Variants in C11orf21 observed in about 807,000 individuals in gnomAD.
C11orf21 encodes the protein chromosome 11 open reading frame 21, also known as uncharacterized protein C11orf21.
Under a neutral mutation model 15.2 loss-of-function variants are expected in C11orf21, and 19 were observed. That is an observed-to-expected ratio of 1.25 (90% CI 0.87 to 1.84). The LOEUF is 1.84. Among genes scored for constraint, C11orf21 ranks in the 40% most tolerant of loss-of-function variants. C11orf21 has a pLI of 0.00. For synonymous variants in C11orf21, 62 were observed against 66.8 expected, an observed-to-expected ratio of 0.93 and a Z score of 0.35; for missense variants, 171 against 174.4, an observed-to-expected ratio of 0.98 and a Z score of 0.11.
chr11:2,301,060 G>T, intron 1 of C11orf21: 1 of 420,030 alleles, frequency 2.4e-6, no homozygotes, highest in Non-Finnish European at 4.3e-6. Flanking sequence ...GCTGGACGGG[G>T]GTCCTGGTTG....
intron 1 of C11orf21, chr11:2,301,314 G>A (rs567573200): frequency 6.1e-5 from 12 of 196,082 alleles, no homozygotes; most frequent in Non-Finnish European, 1.1e-4. Context: ...GGGAGGGCCC[G>A]GAGTGGTCCC....
At chr11:2,302,265 G>T, upstream of C11orf21, 3 of 1,353,398 alleles carry the variant, frequency 2.2e-6, no homozygotes, top group Non-Finnish European at 1.9e-6. Flanking sequence ...GTGAGCAGGG[G>T]TGAGGGGTGG....
rs1411676469 is a variant in C11orf21 at position 2,296,092 on chromosome 11, T to A, written c.*1858A>T. 6.6e-6 allele frequency: 1 copy of A among 152,148 alleles called. No homozygotes were observed. The highest frequency in any genetic ancestry group is 1.5e-5 in the Non-Finnish European group (1 of 68,034). 9.4% of individuals were successfully genotyped at this position (152,148 alleles called of 1,614,324 possible). ...CCCCCTGTCTTCCACACAAGCCAAT[T>A]AGACGAGTGGAACGAGGCTGCAGTG... On this transcript the variant is annotated 3_prime_UTR_variant, in exon 4 of 4. Coordinates refer to ENST00000381153, the MANE Select transcript of C11orf21 (RefSeq NM_001329958.2). This position sits in a 1 kb window ranked among gnomAD's most constrained non-coding sequence, Gnocchi z 5.6.
upstream of C11orf21, chr11:2,302,632 C>T (rs59210892): frequency 1.7e-6 from 1 of 587,802 alleles, no homozygotes; most frequent in Non-Finnish European, 3.0e-6. Flanking sequence ...GTGTATGCGT[C>T]TACCATGTGG....
chr11:2,299,714 G>T lies in C11orf21; in HGVS notation c.148-7C>A. The stretch of plus-strand genomic sequence containing the variant: ...TCATTGAGCCAGGGGCCTCCTGGTG[G>T]GTAAGGACATTGTAGAGTGAGCGGG... On this transcript the variant is annotated splice_region_variant and splice_polypyrimidine_tract_variant and intron_variant, in intron 2 of 3. Transcript: ENST00000381153. 6.4e-7 allele frequency: 1 copy of T among 1,550,822 alleles called. No homozygotes were observed. Among genetic ancestry groups the T allele is most frequent in the Non-Finnish European group, 8.7e-7 (1 of 1,146,848 alleles).
chr11:2,301,942 G>C (rs1847774702), upstream of C11orf21: 2 of 1,513,176 alleles, frequency 1.3e-6, no homozygotes, highest in South Asian at 2.5e-5. Context: ...TGAGGTGGTG[G>C]GGGGAGCCAA....
At chr11:2,300,812 G>A in intron 1 of C11orf21, 199 bp from the exon 2 acceptor site, 7 of 1,539,702 alleles carry the variant, frequency 4.5e-6, no homozygotes, top group Non-Finnish European at 6.2e-6. Context: ...CATCTTCCCT[G>A]GAGAGGACGG....
Position 2,300,631 on chromosome 11 carries a change from C to T in C11orf21, c.54-18G>A, listed in dbSNP as rs1393833670. ...GCACAGCGCTGGTGTGAGAAGGAGG[C>T]CATCAGGACAGGTCAAGAACCCAGG... On this transcript the variant is annotated intron_variant, in intron 1 of 3. Coordinates refer to ENST00000381153, the MANE Select transcript of C11orf21 (RefSeq NM_001329958.2). 8.4e-6 allele frequency: 13 copies of T among 1,550,526 alleles called. No individual in the cohort carries two copies. Among genetic ancestry groups the T allele is most frequent in the Middle Eastern group, 1.7e-4 (1 of 6,012 alleles).
chr11:2,300,436 G>A, intron 2 of C11orf21, 84 bp downstream of exon 2: 2 of 836,344 alleles, frequency 2.4e-6, no homozygotes, highest in South Asian at 1.7e-5. Context: ...GGGGTGGGAG[G>A]GTGTGGCTCA....
chr11:2,302,662 G>C (rs915932985), upstream of C11orf21: 19 of 606,770 alleles, frequency 3.1e-5, no homozygotes, highest in Non-Finnish European at 5.3e-5. Flanking sequence ...TGAGTGTGCT[G>C]GGGCGTCTGC....
chr11:2,300,427 G>A, intron 2 of C11orf21, 93 bp downstream of exon 2: 1 of 788,240 alleles, frequency 1.3e-6, no homozygotes. Context: ...GGGAATGTTG[G>A]GGTGGGAGGG....
At chr11:2,301,706 G>T (rs983604980) in intron 1 of C11orf21, 50 bp downstream of exon 1, 14 of 1,437,676 alleles carry the variant, frequency 9.7e-6, no homozygotes, top group Non-Finnish European at 1.3e-5. Context: ...CAAGGATTAC[G>T]CCCCCAAGGC....
upstream of C11orf21, chr11:2,302,263 G>C (rs944828439): frequency 2.2e-6 from 3 of 1,360,146 alleles, no homozygotes; most frequent in African/African-American, 4.4e-5. Context: ...GGGTGAGCAG[G>C]GGTGAGGGGT....
chr11:2,302,861 G>T, upstream of C11orf21: 11 of 1,613,598 alleles, frequency 6.8e-6, no homozygotes, highest in Non-Finnish European at 9.3e-6. Context: ...GCCTCTCTGT[G>T]GCCACCATGG....
upstream of C11orf21, chr11:2,302,139 G>C: frequency 4.1e-6 from 6 of 1,470,778 alleles, no homozygotes; most frequent in Non-Finnish European, 5.4e-6. Context: ...GAGGAGAGGA[G>C]AGGAACCGTC....
Position 2,301,774 on chromosome 11 carries a change from C to T in C11orf21, c.35G>A (p.Arg12Gln), listed in dbSNP as rs191522236. 4.3e-4 allele frequency: 663 copies of T among 1,549,882 alleles called. 4 individuals are homozygous for T. In the African/African-American group the frequency reaches 8.3e-3, roughly 19 times the overall value. The part of the protein sequence containing the change: ...GRTWCGMWRR[R>Q]RPGRRSAVPR... ...AGCTCACCTCCTCCTCCCCGGGCGC[C>T]GTCTCCTCCACATCCCACACCAGGT... Residue 12 changes from arginine (R) to glutamine (Q), a missense_variant, in exon 1 of 4, where the codon CGG becomes CAG. Transcript: ENST00000381153.
intron 1 of C11orf21, chr11:2,301,410 GC>G: frequency 4.4e-6 from 1 of 227,502 alleles, no homozygotes; most frequent in East Asian, 1.0e-4. Flanking sequence ...CTGTACTGGG[GC>G]CGCAGCGCTG....
chr11:2,302,645 G>A (rs1847824173), upstream of C11orf21: 1 of 594,346 alleles, frequency 1.7e-6, no homozygotes, highest in Non-Finnish European at 3.0e-6. Context: ...CCATGTGGGG[G>A]TGCCTGTGAG....
At chr11:2,299,376 C>T in intron 3 of C11orf21, 52 bp downstream of exon 3, 4 of 1,512,448 alleles carry the variant, frequency 2.6e-6, no homozygotes, top group Non-Finnish European at 3.5e-6. Flanking sequence ...GGGCCGCGCT[C>T]ACAGACAGCA....
Sources: allele counts gnomAD v4.1 joint callset, GRCh38; gene constraint gnomAD v4.1.1; non-coding constraint Gnocchi (gnomAD v3.1); transcripts MANE v1.5; gene names NCBI Gene and HGNC (gene_info 2026-07-23, HGNC 2026-07-21).